Variants in MAML1 observed in about 807,000 individuals in gnomAD.
MAML1 encodes mastermind like transcriptional coactivator 1, also known as mastermind-like protein 1.
Under a neutral mutation model 77.1 loss-of-function variants are expected in MAML1, and 14 were observed. That is an observed-to-expected ratio of 0.18 (90% CI 0.12 to 0.28). The LOEUF (loss-of-function observed/expected upper bound fraction) is 0.28. Among genes scored for constraint, MAML1 ranks in the 10% least tolerant of loss-of-function variants. MAML1 has a pLI of 1.00. For synonymous variants in MAML1, 516 were observed against 551.9 expected (o/e 0.93, Z 0.91); for missense variants, 1,217 against 1,327.8 (o/e 0.92, Z 1.30).
chr5:179,753,814 A>G (rs1779558263), intron 1 of MAML1, among the ~76,000 whole-genome samples: 1 of 151,786 alleles, frequency 6.6e-6, no homozygotes, highest in Admixed American at 6.6e-5. Context: ...CTGGGACTAC[A>G]GGTGTACACC....
chr5:179,737,390 AG>A (rs1486542220), intron 1 of MAML1, among the ~76,000 whole-genome samples: 2 of 152,154 alleles, frequency 1.3e-5, no homozygotes, highest in Non-Finnish European at 2.9e-5. Flanking sequence ...CCTTCAATTC[AG>A]GGGGGAAGAG....
In MAML1 at chr5:179,733,285, C is replaced by A; in HGVS notation, c.173C>A (p.Ala58Asp). ...GAGCTGGAGCGCCAACACACCTTCG[C>A]CCTGCACCAGCGCTGCATCCAGGCC... ...RLELERQHTFALHQRCIQAKA... is the reference protein window; with the variant it reads ...RLELERQHTFDLHQRCIQAKA... The change falls in exon 1 of 5, where the codon GCC becomes GAC. Residue 58 changes from alanine to aspartate, a missense_variant. Coordinates refer to ENST00000292599, the MANE Select transcript of MAML1 (RefSeq NM_014757.5). 6.9e-7 allele frequency: 1 copy of A among 1,456,546 alleles called. No individual in the cohort carries two copies. The allele number at this position is 1,456,546 out of a possible 1,614,324, so 90.2% of individuals were successfully genotyped here. A position where few individuals can be genotyped will look rare whatever the true frequency, so the allele number is the denominator to read the frequency against.
In MAML1 at chr5:179,776,311, G is replaced by A. The variant is rs953908948; in HGVS notation, c.*1434G>A. 1.0e-6 allele frequency: 1 copy of A among 985,760 alleles called. No homozygotes were observed. The highest frequency in any genetic ancestry group is 1.2e-6 in the Non-Finnish European group (1 of 829,956). The allele number at this position is 985,760 out of a possible 1,614,324, so 61.1% of individuals were successfully genotyped here. On this transcript the variant is annotated 3_prime_UTR_variant, in exon 5 of 5. Transcript: ENST00000292599. ...AATGGATCATTCAGGAGTGTCCTATGTGAGAATTGAGCCAAGGAAAATACT... is the reference window on the plus strand; with the variant it reads ...AATGGATCATTCAGGAGTGTCCTATATGAGAATTGAGCCAAGGAAAATACT...
chr5:179,750,081 C>G (rs935439357), intron 1 of MAML1, among the ~76,000 whole-genome samples: 6 of 152,218 alleles, frequency 3.9e-5, no homozygotes, highest in African/African-American at 1.4e-4. Flanking sequence ...GCAGTGCTGC[C>G]CTCTCCTTGC....
intron 1 of MAML1, among the ~76,000 whole-genome samples, chr5:179,750,048 C>T (rs1779456097): frequency 6.6e-6 from 1 of 152,256 alleles, no homozygotes; most frequent in Admixed American, 6.5e-5. Flanking sequence ...GCGCTCACCT[C>T]CTGGAGCCTC....
rs1379809191 is a variant in MAML1 at position 179,769,243 on chromosome 5, G to A, written c.1971+154G>A. Among the ~76,000 whole-genome samples the A allele has an allele frequency of 6.6e-6, 1 of 152,154 alleles. No individual in the cohort carries two copies. The highest frequency in any genetic ancestry group is 2.4e-5 in the African/African-American group (1 of 41,408). ...TTGCCTTTTAAAAACATCTTTCCAG[G>A]AATGTGGCATTTCTCAGACAGGGGT... On this transcript the variant is annotated intron_variant, in intron 3 of 4. Coordinates refer to ENST00000292599, the MANE Select transcript of MAML1 (RefSeq NM_014757.5). The surrounding 1 kb of genome is among the most constrained non-coding windows in gnomAD (Gnocchi z 4.2).
chr5:179,761,923 G>T (rs948677935), intron 1 of MAML1, among the ~76,000 whole-genome samples: 11 of 152,120 alleles, frequency 7.2e-5, no homozygotes, highest in Admixed American at 6.6e-4. Context: ...ATAGATCAAG[G>T]TGCTGGCTCT....
At chr5:179,742,887 A>G (rs1779308977) in intron 1 of MAML1, among the ~76,000 whole-genome samples, 1 of 152,158 alleles carries the variant, frequency 6.6e-6, no homozygotes, top group African/African-American at 2.4e-5. Flanking sequence ...GTGGTATTTA[A>G]TAGGACTTTG....
chr5:179,733,593 T>C (rs1160695025), intron 1 of MAML1, among the ~76,000 whole-genome samples, 166 bp downstream of exon 1: 1 of 152,224 alleles, frequency 6.6e-6, no homozygotes, highest in East Asian at 1.9e-4. Flanking sequence ...TTGTCATCTT[T>C]GGGAAGTGGC....
intron 1 of MAML1, among the ~76,000 whole-genome samples, chr5:179,739,748 T>C (rs1478159734): frequency 6.6e-6 from 1 of 152,214 alleles, no homozygotes; most frequent in African/African-American, 2.4e-5. Context: ...CGAAGTATTG[T>C]AAGTAATCTA....
At chr5:179,739,577 G>A (rs1779239862) in intron 1 of MAML1, among the ~76,000 whole-genome samples, 3 of 152,266 alleles carry the variant, frequency 2.0e-5, no homozygotes, top group Middle Eastern at 6.8e-3. Flanking sequence ...TCAGCTCCTC[G>A]GGAGACCGAA....
intron 1 of MAML1, among the ~76,000 whole-genome samples, chr5:179,743,362 C>T (rs938588745): frequency 3.5e-4 from 47 of 133,288 alleles, no homozygotes; most frequent in African/African-American, 8.3e-4. Context: ...CCCTGCCCCA[C>T]GCTTTTTTTT....
chr5:179,736,270 T>A (rs1406491938), intron 1 of MAML1, among the ~76,000 whole-genome samples: 1 of 152,140 alleles, frequency 6.6e-6, no homozygotes, highest in Admixed American at 6.5e-5. Flanking sequence ...TTGTTATTTT[T>A]TTTTAGGGAG....
At chr5:179,743,478 T>G (rs1042906285) in intron 1 of MAML1, among the ~76,000 whole-genome samples, 1 of 150,966 alleles carries the variant, frequency 6.6e-6, no homozygotes, top group Non-Finnish European at 1.5e-5. Flanking sequence ...GCCATTCTTC[T>G]GCCTCAGCCT....
Sources: allele counts gnomAD v4.1 joint callset (sites outside exome capture counted in the v4.1 genomes callset), GRCh38; gene constraint gnomAD v4.1.1; non-coding constraint Gnocchi (gnomAD v3.1); transcripts MANE v1.5; gene names NCBI Gene and HGNC (gene_info 2026-07-23, HGNC 2026-07-21).